The following MEIS2 variants were observed in gnomAD, a reference collection of about 807,000 sequenced individuals.
The protein encoded by MEIS2 is Meis homeobox 2, also known as homeobox protein Meis2.
In MEIS2, 9 loss-of-function variants were observed where a neutral mutation model predicts 58.6. The ratio of observed to expected loss-of-function variants is 0.15; its 90% confidence interval spans 0.09 to 0.27. The LOEUF (loss-of-function observed/expected upper bound fraction) is 0.27. Ranked by LOEUF, MEIS2 falls within the 10% of genes least tolerant of loss-of-function variation. The pLI is 1.00. For synonymous variants in MEIS2, 221 were observed against 228.4 expected (o/e 0.97, Z 0.29); for missense variants, 427 against 635.0 (o/e 0.67, Z 3.52).
intron 7 of MEIS2, among the ~76,000 whole-genome samples, chr15:37,042,898 C>CCTA (rs1366505966): frequency 6.6e-6 from 1 of 152,212 alleles, no homozygotes; most frequent in Non-Finnish European, 1.5e-5. Flanking sequence ...AATATTTGAG[C>CCTA]CTACTGTCCA....
rs151023338 is a variant in MEIS2 at position 37,081,929 on chromosome 15, C to T, written c.754+1842G>A. Among the ~76,000 whole-genome samples, 53 of 152,228 alleles carry T rather than the reference C, an allele frequency of 3.5e-4. No individual in the cohort carries two copies. In the East Asian group the frequency reaches 7.5e-3, roughly 22 times the overall value. On this transcript the variant is annotated intron_variant, in intron 7 of 11. Coordinates refer to ENST00000561208, the MANE Select transcript of MEIS2 (RefSeq NM_170675.5). ...TTCCTAAAAAACAAAACTAACTAAC[C>T]GAAACGCTAAAACTTTATGCTTTGC...
intron 7 of MEIS2, 111 bp downstream of exon 7, chr15:37,083,660 C>A (rs958708794): frequency 4.1e-6 from 3 of 734,732 alleles, no homozygotes; most frequent in Non-Finnish European, 6.6e-6. Context: ...GATTCTACTC[C>A]CTAACCTGCC....
At chr15:36,919,270 G>A (rs1595722586) in intron 9 of MEIS2, among the ~76,000 whole-genome samples, 2 of 152,236 alleles carry the variant, frequency 1.3e-5, no homozygotes, top group East Asian at 1.9e-4. Context: ...TATTATCAAT[G>A]TTTTATGTAC....
chr15:37,053,249 C>T (rs566938911), intron 7 of MEIS2, among the ~76,000 whole-genome samples: 4 of 152,274 alleles, frequency 2.6e-5, no homozygotes, highest in South Asian at 2.1e-4. Flanking sequence ...AGCAAATTTC[C>T]GGATCTTGAT....
At chr15:36,930,605 C>A (rs1397421768) in intron 9 of MEIS2, among the ~76,000 whole-genome samples, 1 of 152,088 alleles carries the variant, frequency 6.6e-6, no homozygotes, top group Non-Finnish European at 1.5e-5. Context: ...ATGTTTAGCA[C>A]ATTTAAAAGT....
At chr15:37,011,102 C>A (rs1027268453) in intron 8 of MEIS2, among the ~76,000 whole-genome samples, 1 of 152,200 alleles carries the variant, frequency 6.6e-6, no homozygotes, top group Non-Finnish European at 1.5e-5. Flanking sequence ...AGTCTATAGA[C>A]CGTCCTCCAG....
chr15:37,001,777 T>C (rs555613231), intron 8 of MEIS2, among the ~76,000 whole-genome samples: 1 of 152,334 alleles, frequency 6.6e-6, no homozygotes, highest in East Asian at 1.9e-4. Flanking sequence ...TACATTGTTT[T>C]CTTTAGATTC....
intron 8 of MEIS2, among the ~76,000 whole-genome samples, chr15:36,989,278 T>A (rs1424548326): frequency 6.6e-6 from 1 of 152,214 alleles, no homozygotes; most frequent in Non-Finnish European, 1.5e-5. Flanking sequence ...ATGGTTTTCC[T>A]GTAAATTTTC....
chr15:37,020,266 G>C (rs1347083129), intron 8 of MEIS2, among the ~76,000 whole-genome samples: 1 of 152,084 alleles, frequency 6.6e-6, no homozygotes, highest in Non-Finnish European at 1.5e-5. Context: ...CGGGAAATGA[G>C]TCTCGTCTGC....
intron 8 of MEIS2, among the ~76,000 whole-genome samples, chr15:37,030,447 G>A (rs2141710322): frequency 6.6e-6 from 1 of 151,716 alleles, no homozygotes; most frequent in East Asian, 2.0e-4. Flanking sequence ...AGCAATTCTT[G>A]TGCCTCAGCC....
intron 8 of MEIS2, among the ~76,000 whole-genome samples, chr15:36,970,827 A>G (rs1449647777): frequency 6.6e-6 from 1 of 152,226 alleles, no homozygotes; most frequent in Non-Finnish European, 1.5e-5. Flanking sequence ...CTAAGGAGAA[A>G]GCAATTAAAG....
intron 8 of MEIS2, among the ~76,000 whole-genome samples, chr15:37,022,720 A>T (rs1595945789): frequency 1.4e-5 from 2 of 145,398 alleles, no homozygotes. Context: ...GCTCACTGCA[A>T]CCTCGTCTCC....
chr15:37,019,980 G>T (rs769942124), intron 8 of MEIS2, among the ~76,000 whole-genome samples: 1 of 152,058 alleles, frequency 6.6e-6, no homozygotes, highest in Non-Finnish European at 1.5e-5. Flanking sequence ...CCCCAGATCC[G>T]GGGAGCTCGA....
intron 8 of MEIS2, among the ~76,000 whole-genome samples, chr15:36,984,845 CT>C (rs1253079525): frequency 6.6e-6 from 1 of 152,056 alleles, no homozygotes; most frequent in African/African-American, 2.4e-5. Context: ...GAATTCATCT[CT>C]TTCTTTTAGG....
intron 8 of MEIS2, among the ~76,000 whole-genome samples, chr15:37,014,009 T>C (rs2061257836): frequency 6.6e-6 from 1 of 152,176 alleles, no homozygotes; most frequent in Non-Finnish European, 1.5e-5. Context: ...GGAAACAAAG[T>C]ATCTAGAGAC....
Position 37,100,492 on chromosome 15 carries a change from T to C in MEIS2, c.-1026A>G, listed in dbSNP as rs1217187545. The C allele has an allele frequency of 7.3e-6, 1 of 137,540 alleles. No homozygotes were observed. The highest frequency in any genetic ancestry group is 7.9e-5 in the Admixed American group (1 of 12,686). 8.5% of individuals were successfully genotyped at this position (137,540 alleles called of 1,614,324 possible). On this transcript the variant is annotated 5_prime_UTR_variant, in exon 1 of 12. Coordinates refer to ENST00000561208, the MANE Select transcript of MEIS2 (RefSeq NM_170675.5). ...GTACGGCGGAGACACATCCCGGGAGTGGGGAGCGGGAGCGAGGAGGAGCGC... is the reference window on the plus strand; with the variant it reads ...GTACGGCGGAGACACATCCCGGGAGCGGGGAGCGGGAGCGAGGAGGAGCGC...
intron 9 of MEIS2, among the ~76,000 whole-genome samples, chr15:36,922,529 A>C (rs2057557321): frequency 6.6e-6 from 1 of 152,030 alleles, no homozygotes; most frequent in South Asian, 2.1e-4. Flanking sequence ...CAAACCAACA[A>C]AAAGTCCTTG....
At chr15:36,967,607 C>A (rs2059398871) in intron 8 of MEIS2, among the ~76,000 whole-genome samples, 1 of 152,196 alleles carries the variant, frequency 6.6e-6, no homozygotes, top group African/African-American at 2.4e-5. Context: ...AAAACAGATT[C>A]TTGGCCTGCA....
At chr15:37,053,649 T>C (rs2063019019) in intron 7 of MEIS2, among the ~76,000 whole-genome samples, 1 of 152,216 alleles carries the variant, frequency 6.6e-6, no homozygotes, top group South Asian at 2.1e-4. Flanking sequence ...AAAAGTGCTG[T>C]ATTATTTAAA....
Sources: allele counts gnomAD v4.1 joint callset (sites outside exome capture counted in the v4.1 genomes callset), GRCh38; gene constraint gnomAD v4.1.1; transcripts MANE v1.5; gene names NCBI Gene and HGNC (gene_info 2026-07-23, HGNC 2026-07-21).